TMEM255B: variants seen among roughly 807,000 people sequenced by gnomAD.
TMEM255B encodes family with sequence similarity 70, member B.
Under a neutral mutation model 34.5 loss-of-function variants are expected in TMEM255B, and 35 were observed. That is an observed-to-expected ratio of 1.01 (90% confidence interval 0.77 to 1.34). The LOEUF (loss-of-function observed/expected upper bound fraction) is 1.34, where lower values mean the gene tolerates loss of function less well. Ranked by LOEUF, TMEM255B falls within the 40% of genes most tolerant of loss-of-function variation. The pLI is 0.00. For synonymous variants in TMEM255B, 206 were observed against 201.2 expected (o/e 1.02, Z -0.20); for missense variants, 432 against 433.2 (o/e 1.00, Z 0.02).
rs2051184284 is a variant in TMEM255B, at chr13:113,806,952, T to C, written c.813+1924T>C. Among the ~76,000 whole-genome samples the C allele has an allele frequency of 6.6e-6, 1 of 152,154 alleles. No homozygotes were observed. Among genetic ancestry groups the C allele is most frequent in the African/African-American group, 2.4e-5 (1 of 41,438 alleles). On this transcript the variant is annotated intron_variant, in intron 8 of 8. Transcript: ENST00000375353. This position sits in a 1 kb window ranked among gnomAD's most constrained non-coding sequence, Gnocchi z 4.2. ...TGCCAAGAACGTGCAGCCCAGAGCA[T>C]AGCCTCGGTGGCCCATGCTGTCTTC...
Position 113,766,176 on chromosome 13 carries a change from C to G in TMEM255B, c.108C>G (p.Ser36=), listed in dbSNP as rs377599811. The change falls in exon 2 of 9, where the codon TCC becomes TCG. Residue 36 remains serine (S), a synonymous_variant. Coordinates refer to ENST00000375353, the MANE Select transcript of TMEM255B (RefSeq NM_182614.4). ...LWFVGSLLLV[S]VLIVTVGLAA... Reference sequence around the variant, plus strand: ...TTGTGGGGTCTCTGCTGCTGGTGTCCGTCCTCATAGTCACCGTCGGGCTGG... The same window carrying G: ...TTGTGGGGTCTCTGCTGCTGGTGTCGGTCCTCATAGTCACCGTCGGGCTGG... The G allele has an allele frequency of 6.2e-7, 1 of 1,614,204 alleles. No individual in the cohort carries two copies. The highest frequency in any genetic ancestry group is 8.5e-7 in the Non-Finnish European group (1 of 1,180,032).
chr13:113,805,016 T>C lies in TMEM255B; in HGVS notation c.801T>C (p.Pro267=). The change falls in exon 8 of 9, where the codon CCT becomes CCC. Residue 267 remains proline (P), a synonymous_variant. Transcript: ENST00000375353. The stretch of plus-strand genomic sequence containing the variant: ...CCGTCCCGACCTGCTCGTCCTACCC[T>C]CTGCCCCTTCAGGTAGGGCCAGCAT... The part of the protein sequence containing the change: ...PEPVPTCSSY[P]LPLQPCSRFP... The C allele has an allele frequency of 6.2e-7, 1 of 1,600,738 alleles. No individual in the cohort carries two copies. Among genetic ancestry groups the C allele is most frequent in the Non-Finnish European group, 8.5e-7 (1 of 1,176,498 alleles).
In TMEM255B at chr13:113,795,211, G is replaced by T; in HGVS notation, c.316G>T (p.Asp106Tyr). 1 of 1,613,884 alleles carries T rather than the reference G, an allele frequency of 6.2e-7. No homozygotes were observed. Among genetic ancestry groups the T allele is most frequent in the Non-Finnish European group, 8.5e-7 (1 of 1,179,974 alleles). Residue 106 changes from aspartate to tyrosine, a missense_variant, in exon 4 of 9, where the codon GAC (aspartate) becomes TAC (tyrosine). Transcript: ENST00000375353. ...GGCCGCCTTCTGCTGCGCCATCGTG[G>T]ACGGCGTATTTGCAGCACAGCACAT... ...VVAAFCCAIVDGVFAAQHIEP... is the reference protein window; with the variant it reads ...VVAAFCCAIVYGVFAAQHIEP...
At chr13:113,780,753 A>G (rs192926617) in intron 3 of TMEM255B, among the ~76,000 whole-genome samples, 1 of 152,332 alleles carries the variant, frequency 6.6e-6, no homozygotes, top group African/African-American at 2.4e-5. Context: ...TTATGAAACC[A>G]CCTTCTAAAC....
chr13:113,784,507 C>T (rs2050710602), intron 3 of TMEM255B, among the ~76,000 whole-genome samples: 1 of 146,760 alleles, frequency 6.8e-6, no homozygotes, highest in Non-Finnish European at 1.5e-5. Context: ...GTGAGGAAGA[C>T]AGAGAGAGAG....
rs137919678 is a variant in TMEM255B at position 113,812,079 on chromosome 13, G to A, written c.*176G>A. ...GAGGGAGGCTGGAACCAGGCAGGGA[G>A]TGGGGCCCTCCAGACCCAGGCTGGT... On this transcript the variant is annotated 3_prime_UTR_variant, in exon 9 of 9. Transcript: ENST00000375353. 2.5e-3 allele frequency: 2,071 copies of A among 815,542 alleles called. 31 individuals carry two copies. In the African/African-American group the frequency reaches 0.033, roughly 13 times the overall value. 50.5% of individuals were successfully genotyped at this position (815,542 alleles called of 1,614,324 possible).
intron 1 of TMEM255B, among the ~76,000 whole-genome samples, chr13:113,760,314 G>A (rs1272105615): frequency 6.6e-6 from 1 of 152,204 alleles, no homozygotes; most frequent in African/African-American, 2.4e-5. Context: ...ATGGTCAAAT[G>A]TATTAATGTG....
chr13:113,777,495 G>A (rs1229594872), intron 3 of TMEM255B, among the ~76,000 whole-genome samples: 4 of 152,186 alleles, frequency 2.6e-5, no homozygotes, highest in East Asian at 1.9e-4. Context: ...CTGTGGGGCC[G>A]AGGGGAGGCG....
At chr13:113,765,370 GA>G in intron 1 of TMEM255B, among the ~76,000 whole-genome samples, 1 of 152,352 alleles carries the variant, frequency 6.6e-6, no homozygotes, top group East Asian at 1.9e-4. Flanking sequence ...TGGGATTGCA[GA>G]AGTGTAAATC....
Position 113,812,894 on chromosome 13 carries a change from C to T in TMEM255B, c.*991C>T, listed in dbSNP as rs1277309469. 7.5e-6 allele frequency: 1 copy of T among 132,748 alleles called. No individual in the cohort carries two copies. The highest frequency in any genetic ancestry group is 3.8e-3 in the Middle Eastern group (1 of 260). The allele number at this position is 132,748 out of a possible 1,614,324, so 8.2% of individuals were successfully genotyped here. On this transcript the variant is annotated 3_prime_UTR_variant, in exon 9 of 9. Transcript: ENST00000375353. Reference sequence around the variant, plus strand: ...ACAGGTCCCGAGTGGGTCACAGGCCCCGGGTGAGTCACAGGCCCCGGGTGA... The same window carrying T: ...ACAGGTCCCGAGTGGGTCACAGGCCTCGGGTGAGTCACAGGCCCCGGGTGA...
chr13:113,805,103 C>T (rs977139412), intron 8 of TMEM255B, 75 bp downstream of exon 8: 52 of 1,418,426 alleles, frequency 3.7e-5, no homozygotes, highest in Middle Eastern at 1.9e-4. Context: ...GGGCTGGGGT[C>T]GGAGGGGATG....
intron 5 of TMEM255B, among the ~76,000 whole-genome samples, chr13:113,800,301 C>CTGCGTGTGTG (rs2051026282): frequency 1.0e-5 from 1 of 97,052 alleles, no homozygotes; most frequent in Non-Finnish European, 2.0e-5. Flanking sequence ...GAGGCGTCCT[C>CTGCGTGTGTG]TGTGTGTGTG....
intron 6 of TMEM255B, among the ~76,000 whole-genome samples, chr13:113,801,289 G>A (rs2138574691): frequency 6.6e-6 from 1 of 152,360 alleles, no homozygotes; most frequent in South Asian, 2.1e-4. Context: ...TGAGGCCCCA[G>A]GCATGGCCCC....
At chr13:113,784,537 G>A (rs997809143) in intron 3 of TMEM255B, among the ~76,000 whole-genome samples, 19 of 151,580 alleles carry the variant, frequency 1.3e-4, no homozygotes, top group Admixed American at 2.6e-4. Context: ...GATATGAAGA[G>A]GAAGAAGAAG....
At chr13:113,766,629 A>C (rs996436015) in intron 2 of TMEM255B, among the ~76,000 whole-genome samples, 1 of 152,228 alleles carries the variant, frequency 6.6e-6, no homozygotes, top group Admixed American at 6.5e-5. Context: ...CAGGATGTCC[A>C]AAAAGGCCGG....
Position 113,780,139 on chromosome 13 carries a change from G to C in TMEM255B, c.252+10979G>C, listed in dbSNP as rs372244392. Among the ~76,000 whole-genome samples, 64 of 152,320 alleles carry C rather than the reference G, an allele frequency of 4.2e-4. 2 individuals carry two copies. In the South Asian group the frequency reaches 0.013, roughly 30 times the overall value. On this transcript the variant is annotated intron_variant, in intron 3 of 8. Coordinates refer to ENST00000375353, the MANE Select transcript of TMEM255B (RefSeq NM_182614.4). ...CCTCTCCTGTTGAGGTTCCTGGCCTGTCAGAAAGTGACATTCTTTACTTAC... is the reference window on the plus strand; with the variant it reads ...CCTCTCCTGTTGAGGTTCCTGGCCTCTCAGAAAGTGACATTCTTTACTTAC...
At chr13:113,786,346 TGTC>T (rs917715840) in intron 3 of TMEM255B, among the ~76,000 whole-genome samples, 1 of 150,872 alleles carries the variant, frequency 6.6e-6, no homozygotes, top group African/African-American at 2.4e-5. Context: ...TCACCATCAC[TGTC>T]GTCACTGTAA....
At chr13:113,763,240 T>C (rs529546820) in intron 1 of TMEM255B, among the ~76,000 whole-genome samples, 5 of 152,370 alleles carry the variant, frequency 3.3e-5, no homozygotes, top group Admixed American at 3.3e-4. Context: ...AATATGATTA[T>C]TTTGTGTAAT....
chr13:113,777,400 G>A (rs1566726313), intron 3 of TMEM255B, among the ~76,000 whole-genome samples: 2 of 152,200 alleles, frequency 1.3e-5, no homozygotes, highest in African/African-American at 4.8e-5. Flanking sequence ...TGTCAAGCCT[G>A]GTGGAGTGCC....
Sources: allele counts gnomAD v4.1 joint callset (sites outside exome capture counted in the v4.1 genomes callset), GRCh38; gene constraint gnomAD v4.1.1; non-coding constraint Gnocchi (gnomAD v3.1); transcripts MANE v1.5; gene names NCBI Gene and HGNC (gene_info 2026-07-23, HGNC 2026-07-21).